The following SPAG1 variants were observed in gnomAD, a reference collection of about 807,000 sequenced individuals.
SPAG1 encodes the protein sperm-associated antigen 1.
Under a neutral mutation model 100.5 loss-of-function variants are expected in SPAG1, and 69 were observed. The observed-to-expected ratio is 0.69, with a 90% CI of 0.57 to 0.84. SPAG1 has a LOEUF of 0.84. Ranked by LOEUF, SPAG1 falls within the 40% of genes least tolerant of loss-of-function variation. SPAG1 has a pLI of 0.00. For synonymous variants in SPAG1, 336 were observed against 411.6 expected (o/e 0.82, Z 2.22); for missense variants, 955 against 1,133.1 (o/e 0.84, Z 2.26).
intron 3 of SPAG1, among the ~76,000 whole-genome samples, chr8:100,172,629 AAT>A (rs1444162490): frequency 4.7e-5 from 5 of 106,768 alleles, no homozygotes; most frequent in Admixed American, 9.6e-5. Flanking sequence ...AAAAAAAAGA[AAT>A]ATATGTGTGT....
At chr8:100,158,715 CAA>C (rs1453430110) in intron 1 of SPAG1, 99 bp downstream of exon 1, 3 of 152,064 alleles carry the variant, frequency 2.0e-5, no homozygotes, top group African/African-American at 7.2e-5. Context: ...CAATTAGAAA[CAA>C]AGACTGCAAA....
chr8:100,237,676 GC>G (rs1242822495), intron 16 of SPAG1, among the ~76,000 whole-genome samples: 1 of 151,996 alleles, frequency 6.6e-6, no homozygotes, highest in African/African-American at 2.4e-5. Context: ...AATGAGCCTC[GC>G]CCCCTCTTAG....
Position 100,213,209 on chromosome 8 carries a change from C to T in SPAG1, c.1216C>T (p.Arg406Trp). The change falls in exon 11 of 19, where the codon CGG becomes TGG. Residue 406 changes from arginine (R) to tryptophan (W), a missense_variant. Transcript: ENST00000388798. Reference sequence around the variant, plus strand: ...GCGGCCGGCAAGGGGCGCGCCGCAGCGGGGCCAGACCCCGGAGGCCGGCGC... The same window carrying T: ...GCGGCCGGCAAGGGGCGCGCCGCAGTGGGGCCAGACCCCGGAGGCCGGCGC... ...GKRPARGAPQ[R>W]GQTPEAGADK... is the part of the protein sequence containing the mutation. 2 of 1,438,106 alleles carry T rather than the reference C, an allele frequency of 1.4e-6. No individual in the cohort carries two copies. Among genetic ancestry groups the T allele is most frequent in the Non-Finnish European group, 1.8e-6 (2 of 1,098,572 alleles). The allele number at this position is 1,438,106 out of a possible 1,614,324, so 89.1% of individuals were successfully genotyped here. A position where few individuals can be genotyped will look rare whatever the true frequency, so the allele number is the denominator to read the frequency against.
Position 100,168,836 on chromosome 8 carries a change from C to T in SPAG1, c.300+2863C>T, listed in dbSNP as rs549965914. On this transcript the variant is annotated intron_variant, in intron 3 of 18. Transcript: ENST00000388798. Reference sequence around the variant, plus strand: ...CTGAGTAGCTGGGATTACAGGCATGCGCCACCACGCCCAGCTAATGTCGTA... The same window carrying T: ...CTGAGTAGCTGGGATTACAGGCATGTGCCACCACGCCCAGCTAATGTCGTA... Among the ~76,000 whole-genome samples, 347 of 151,738 alleles carry T rather than the reference C, an allele frequency of 2.3e-3. 2 individuals are homozygous for T. Among genetic ancestry groups the T allele is most frequent in the African/African-American group, 7.7e-3 (319 of 41,354 alleles).
intron 12 of SPAG1, among the ~76,000 whole-genome samples, chr8:100,215,770 CGCCTCG>C (rs1817957789): frequency 6.6e-6 from 1 of 152,186 alleles, no homozygotes. Context: ...GTGATCCACC[CGCCTCG>C]GCCTCCCAAA....
intron 3 of SPAG1, among the ~76,000 whole-genome samples, chr8:100,171,925 C>T (rs528650325): frequency 9.2e-5 from 14 of 151,928 alleles, no homozygotes; most frequent in South Asian, 6.3e-4. Flanking sequence ...GACGGAGTCT[C>T]GCTCTATCGC....
chr8:100,231,510 C>G (rs1051006392), intron 15 of SPAG1, among the ~76,000 whole-genome samples: 1 of 152,174 alleles, frequency 6.6e-6, no homozygotes, highest in Non-Finnish European at 1.5e-5. Context: ...GATGGGAGGT[C>G]TGACATAGTT....
chr8:100,236,838 A>G (rs188934448), intron 16 of SPAG1, among the ~76,000 whole-genome samples: 29 of 152,336 alleles, frequency 1.9e-4, no homozygotes, highest in African/African-American at 6.5e-4. Flanking sequence ...GGGTGCTGCA[A>G]GATCCACCCA....
In SPAG1 at chr8:100,168,430, T is replaced by G. The variant is rs77290419; in HGVS notation, c.300+2457T>G. Among the ~76,000 whole-genome samples, 734 of 152,110 alleles carry G rather than the reference T, an allele frequency of 4.8e-3. 10 individuals are homozygous for G. Among genetic ancestry groups the G allele is most frequent in the African/African-American group, 0.017 (716 of 41,488 alleles). On this transcript the variant is annotated intron_variant, in intron 3 of 18. Coordinates refer to ENST00000388798, the MANE Select transcript of SPAG1 (RefSeq NM_003114.5). ...TGTTCTTTATCAGATACGTTGCTTT[T>G]TTGCCCAGGCTGGAGTGCAGTGGCA...
chr8:100,233,589 T>C, intron 16 of SPAG1, 52 bp downstream of exon 16: 1 of 1,523,872 alleles, frequency 6.6e-7, no homozygotes, highest in Non-Finnish European at 8.8e-7. Flanking sequence ...ACAAATCAAG[T>C]GGTTTTCACA....
At chr8:100,176,956 G>A (rs532034030) in intron 3 of SPAG1, among the ~76,000 whole-genome samples, 21 of 134,146 alleles carry the variant, frequency 1.6e-4, no homozygotes, top group South Asian at 1.2e-3. Context: ...TCTTTTTTTC[G>A]TTTCTTTCTT....
chr8:100,191,615 G>A, intron 9 of SPAG1, 119 bp downstream of exon 9: 1 of 656,684 alleles, frequency 1.5e-6, no homozygotes, highest in Non-Finnish European at 2.6e-6. Flanking sequence ...AGCTTTAAAA[G>A]GTAGGTATAT....
chr8:100,191,367 C>A lies in SPAG1; in HGVS notation c.833-23C>A, dbSNP rs776061396. 5 of 1,545,182 alleles carry A rather than the reference C, an allele frequency of 3.2e-6. No individual in the cohort carries two copies. In the African/African-American group the frequency reaches 4.1e-5, roughly 13 times the overall value. ...TAATGCCACATATTAAAAAACATAA[C>A]TTTTATATTGGTAAATTTTCAGCTC... is the stretch of plus-strand genomic sequence containing the variant. On this transcript the variant is annotated intron_variant, in intron 8 of 18. Coordinates refer to ENST00000388798, the MANE Select transcript of SPAG1 (RefSeq NM_003114.5).
intron 3 of SPAG1, among the ~76,000 whole-genome samples, chr8:100,177,144 A>T (rs1816165854): frequency 6.6e-6 from 1 of 151,938 alleles, no homozygotes; most frequent in South Asian, 2.1e-4. Context: ...GACACTTTAT[A>T]TGGGTCCCAT....
At chr8:100,184,838 A>G (rs78624046) in intron 7 of SPAG1, 105 bp downstream of exon 7, 2 of 667,780 alleles carry the variant, frequency 3.0e-6, no homozygotes, top group African/African-American at 2.0e-5. Context: ...GAATCTCTCA[A>G]TGTATTGTAC....
chr8:100,204,368 A>C (rs1258593706), intron 10 of SPAG1, among the ~76,000 whole-genome samples: 1 of 152,166 alleles, frequency 6.6e-6, no homozygotes, highest in African/African-American at 2.4e-5. Flanking sequence ...ATTTATATAA[A>C]CAGAAATCTG....
chr8:100,220,323 G>A lies in SPAG1; in HGVS notation c.1580G>A (p.Arg527Gln), dbSNP rs150325048. Residue 527 changes from arginine (R) to glutamine (Q), a missense_variant, in exon 13 of 19, where the codon CGG (arginine) becomes CAG (glutamine). Coordinates refer to ENST00000388798, the MANE Select transcript of SPAG1 (RefSeq NM_003114.5). ...HPFSMKPLLRRAMAYETLEQY... is the reference protein window; with the variant it reads ...HPFSMKPLLRQAMAYETLEQY... ...TTCTCTATGAAACCTCTTCTGAGGC[G>A]GGCGATGGCCTATGAAACTCTAGAG... 6.6e-5 allele frequency: 107 copies of A among 1,613,838 alleles called. No individual in the cohort carries two copies. The highest frequency in any genetic ancestry group is 7.3e-5 in the Non-Finnish European group (86 of 1,179,916).
chr8:100,240,971 C>T lies in SPAG1; in HGVS notation c.2730C>T (p.Asn910=), dbSNP rs1277296503. The T allele has an allele frequency of 6.2e-7, 1 of 1,611,578 alleles. No homozygotes were observed. Among genetic ancestry groups the T allele is most frequent in the Non-Finnish European group, 8.5e-7 (1 of 1,179,246 alleles). ...LFEDLSDTPN[N]HFTLEDIQAL... is the part of the protein sequence containing the mutation. ...AGGACCTTTCGGACACACCAAACAA[C>T]CATTTTACTTTAGAAGATATACAGG... The change falls in exon 19 of 19, where the codon AAC becomes AAT. Residue 910 remains asparagine, a synonymous_variant. Coordinates refer to ENST00000388798, the MANE Select transcript of SPAG1 (RefSeq NM_003114.5).
chr8:100,232,373 C>G (rs942178770), intron 15 of SPAG1, among the ~76,000 whole-genome samples: 2 of 152,090 alleles, frequency 1.3e-5, no homozygotes, highest in African/African-American at 4.8e-5. Context: ...TCTACGTACT[C>G]TAGAGGCCAT....
Sources: gnomAD v4.1 joint callset for allele counts (sites outside exome capture counted in the v4.1 genomes callset) on GRCh38, gnomAD v4.1.1 for gene constraint, MANE v1.5 for transcripts, NCBI Gene and HGNC (gene_info 2026-07-23, HGNC 2026-07-21) for gene names.